The following SPATA16 variants were observed in gnomAD, a reference collection of about 807,000 sequenced individuals.
SPATA16 encodes the protein spermatogenesis associated 16, also known as spermatogenesis-associated protein 16.
A neutral mutation model predicts 63.3 loss-of-function variants in SPATA16; 36 were observed. The observed-to-expected ratio is 0.57, with a 90% CI of 0.44 to 0.75. The LOEUF (loss-of-function observed/expected upper bound fraction) is 0.75. Ranked by LOEUF, SPATA16 falls within the 30% of genes least tolerant of loss-of-function variation. The pLI is 0.00. For synonymous variants in SPATA16, 203 were observed against 216.7 expected, an observed-to-expected ratio of 0.94 and a Z score of 0.56; for missense variants, 646 against 679.3, an observed-to-expected ratio of 0.95 and a Z score of 0.54.
At chr3:172,978,111 G>A (rs940824432) in intron 4 of SPATA16, among the ~76,000 whole-genome samples, 1 of 150,100 alleles carries the variant, frequency 6.7e-6, no homozygotes, top group African/African-American at 2.5e-5. Context: ...CCAACTGGAG[G>A]ATTATTCAGC....
At chr3:172,916,233 T>C in intron 9 of SPATA16, 84 bp downstream of exon 9, 3 of 1,259,680 alleles carry the variant, frequency 2.4e-6, no homozygotes, top group Non-Finnish European at 3.2e-6. Flanking sequence ...ACCACAGGAT[T>C]TTTTTTTTTT....
chr3:172,948,565 T>C (rs566137006), intron 6 of SPATA16, among the ~76,000 whole-genome samples: 4 of 152,074 alleles, frequency 2.6e-5, no homozygotes, highest in Non-Finnish European at 5.9e-5. Context: ...CCTCCTAGGC[T>C]CAAGTGACCC....
chr3:172,944,559 A>G lies in SPATA16; in HGVS notation c.1081+12118T>C, dbSNP rs13325433. Among the ~76,000 whole-genome samples the G allele has an allele frequency of 8.2e-3, 1,244 of 152,372 alleles. 17 individuals are homozygous for G. Among genetic ancestry groups the G allele is most frequent in the African/African-American group, 0.029 (1,192 of 41,596 alleles). ...GTATACCCATGTTCATAGCAGCATG[A>G]TTCACAGTAGCCAAAAGGTGGAAGC... On this transcript the variant is annotated intron_variant, in intron 6 of 10. Coordinates refer to ENST00000351008, the MANE Select transcript of SPATA16 (RefSeq NM_031955.6).
intron 4 of SPATA16, among the ~76,000 whole-genome samples, chr3:173,012,536 G>A (rs1008762625): frequency 6.6e-6 from 1 of 152,088 alleles, no homozygotes; most frequent in Non-Finnish European, 1.5e-5. Context: ...TATACCATAA[G>A]GCTACAGTAA....
intron 4 of SPATA16, among the ~76,000 whole-genome samples, chr3:172,986,979 A>T (rs1022722790): frequency 2.6e-5 from 4 of 152,214 alleles, no homozygotes; most frequent in African/African-American, 9.6e-5. Context: ...GAAGACATTT[A>T]TGACCTTAAA....
At chr3:172,957,457 A>T (rs140240739) in intron 5 of SPATA16, among the ~76,000 whole-genome samples, 31 of 152,298 alleles carry the variant, frequency 2.0e-4, no homozygotes, top group Non-Finnish European at 3.2e-4. Context: ...AAGCCCTGCC[A>T]TCATCCTCAG....
chr3:173,114,185 A>G (rs1295625403), intron 2 of SPATA16, among the ~76,000 whole-genome samples: 4 of 151,274 alleles, frequency 2.6e-5, no homozygotes, highest in Middle Eastern at 3.4e-3. Flanking sequence ...ATCTCAAAAA[A>G]AAAAAAAAAA....
At chr3:172,932,469 T>C (rs1358003575) in intron 6 of SPATA16, among the ~76,000 whole-genome samples, 1 of 152,218 alleles carries the variant, frequency 6.6e-6, no homozygotes, top group African/African-American at 2.4e-5. Context: ...ATATGACTCC[T>C]TTTTACTGAT....
intron 5 of SPATA16, among the ~76,000 whole-genome samples, chr3:172,959,699 C>G (rs184984982): frequency 2.4e-4 from 37 of 151,224 alleles, no homozygotes; most frequent in Admixed American, 2.4e-3. Flanking sequence ...TTTTAATGTA[C>G]TAATATTTTT....
chr3:172,952,140 T>A (rs1298594095), intron 6 of SPATA16, among the ~76,000 whole-genome samples: 1 of 152,028 alleles, frequency 6.6e-6, no homozygotes. Flanking sequence ...GGGGGGAGTG[T>A]GAGGTAGAGG....
At chr3:172,973,222 A>T (rs1734085082) in intron 5 of SPATA16, among the ~76,000 whole-genome samples, 1 of 152,116 alleles carries the variant, frequency 6.6e-6, no homozygotes, top group Non-Finnish European at 1.5e-5. Context: ...TGTATAGGAG[A>T]TCAATTTCCA....
At chr3:172,895,557 A>C (rs1731989741) in intron 10 of SPATA16, among the ~76,000 whole-genome samples, 1 of 152,008 alleles carries the variant, frequency 6.6e-6, no homozygotes, top group Admixed American at 6.5e-5. Flanking sequence ...GCTGGTCTTG[A>C]ACTCCTGGCC....
chr3:172,922,255 T>C (rs1248379077), intron 8 of SPATA16, among the ~76,000 whole-genome samples: 1 of 152,210 alleles, frequency 6.6e-6, no homozygotes, highest in African/African-American at 2.4e-5. Flanking sequence ...TAAAACTCTT[T>C]GAAACAATCT....
intron 8 of SPATA16, among the ~76,000 whole-genome samples, chr3:172,921,059 CTT>C (rs1207872341): frequency 4.4e-5 from 6 of 137,246 alleles, no homozygotes; most frequent in African/African-American, 7.9e-5. Flanking sequence ...TTGTTTTTGT[CTT>C]TTTTTTTTTT....
At chr3:173,058,233 A>G (rs1264022382) in intron 2 of SPATA16, among the ~76,000 whole-genome samples, 6 of 152,122 alleles carry the variant, frequency 3.9e-5, no homozygotes, top group African/African-American at 1.4e-4. Flanking sequence ...TATCATTATT[A>G]TAAGTGGCTG....
intron 5 of SPATA16, among the ~76,000 whole-genome samples, chr3:172,961,166 T>C (rs2108239196): frequency 6.6e-6 from 1 of 151,084 alleles, no homozygotes; most frequent in South Asian, 2.1e-4. Context: ...ATTGTAACTT[T>C]TGAACTATGT....
chr3:173,066,810 A>C (rs1736531871), intron 2 of SPATA16, among the ~76,000 whole-genome samples: 1 of 152,176 alleles, frequency 6.6e-6, no homozygotes, highest in Non-Finnish European at 1.5e-5. Flanking sequence ...TGACCTCATC[A>C]AATGGTCTAA....
intron 2 of SPATA16, among the ~76,000 whole-genome samples, chr3:173,095,270 CACAA>C (rs1737324790): frequency 6.6e-6 from 1 of 152,142 alleles, no homozygotes; most frequent in South Asian, 2.1e-4. Context: ...AACTTAAGTA[CACAA>C]ACAAAGAAGC....
chr3:172,990,949 T>C (rs966686221), intron 4 of SPATA16, among the ~76,000 whole-genome samples: 1 of 151,886 alleles, frequency 6.6e-6, no homozygotes, highest in Admixed American at 6.6e-5. Flanking sequence ...AACTAAGAGA[T>C]TTAAAGGAAA....
Sources: gnomAD v4.1 joint callset for allele counts (sites outside exome capture counted in the v4.1 genomes callset) on GRCh38, gnomAD v4.1.1 for gene constraint, MANE v1.5 for transcripts, NCBI Gene and HGNC (gene_info 2026-07-23, HGNC 2026-07-21) for gene names.